Variants in AP3D1 observed in about 807,000 individuals in gnomAD.
AP3D1 encodes the protein adaptor related protein complex 3 subunit delta 1, also known as AP-3 complex subunit delta-1.
A neutral mutation model predicts 147.6 loss-of-function variants in AP3D1; 51 were observed. The observed-to-expected ratio is 0.35, with a 90% CI of 0.28 to 0.44. The LOEUF is 0.44. Among genes scored for constraint, AP3D1 ranks in the 20% least tolerant of loss-of-function variants. The pLI is 1.00. For missense variants in AP3D1, 1,421 were observed against 1,624.2 expected (o/e 0.87, Z 2.15); for synonymous variants, 760 against 663.0 (o/e 1.15, Z -2.25).
intron 1 of AP3D1, chr19:2,164,014 C>A: frequency 4.0e-6 from 1 of 251,336 alleles, no homozygotes; most frequent in Non-Finnish European, 6.7e-6. Context: ...GAGTCGGGGG[C>A]CGGGCCGGAC....
intron 2 of AP3D1, among the ~76,000 whole-genome samples, chr19:2,138,238 T>C (rs1250724367): frequency 6.6e-6 from 1 of 152,146 alleles, no homozygotes; most frequent in South Asian, 2.1e-4. Flanking sequence ...GACCTGGAAC[T>C]GCAGCCAGGA....
upstream of AP3D1, among the ~76,000 whole-genome samples, chr19:2,152,193 G>T (rs1356864098): frequency 6.6e-6 from 1 of 152,156 alleles, no homozygotes; most frequent in East Asian, 1.9e-4. Flanking sequence ...AGCGGTAAAT[G>T]AGATATACTG....
chr19:2,108,649 G>A, intron 31 of AP3D1, 38 bp downstream of exon 31: 1 of 1,546,310 alleles, frequency 6.5e-7, no homozygotes, highest in South Asian at 1.2e-5. Context: ...CAGGAGAGGT[G>A]GCAGGAGCCA....
At position 2,163,552 on chromosome 19, in the gene AP3D1, G is replaced by C. The variant is rs534695431; in HGVS notation, c.-103+804C>G. Among the ~76,000 whole-genome samples the C allele has an allele frequency of 1.4e-4, 21 of 151,598 alleles. No individual in the cohort carries two copies. In the South Asian group the frequency reaches 4.4e-3, roughly 31 times the overall value. On this transcript the variant is annotated intron_variant, in intron 1 of 14. Transcript: ENST00000643010. ...TTGTCGAATGAATACTGGACTTGGA[G>C]CTACAGCAAGTCCTGGACCGTGACT...
At chr19:2,115,947 G>A (rs1182798161) in intron 18 of AP3D1, among the ~76,000 whole-genome samples, 2 of 152,396 alleles carry the variant, frequency 1.3e-5, no homozygotes, top group South Asian at 2.1e-4. Flanking sequence ...GAGGCAGCAG[G>A]TTGCCCACGA....
At chr19:2,159,000 A>T (rs2019672010) in intron 1 of AP3D1, among the ~76,000 whole-genome samples, 13 of 149,032 alleles carry the variant, frequency 8.7e-5, no homozygotes, top group Admixed American at 8.1e-4. Flanking sequence ...TTCTGTTATA[A>T]TTTTTTTTTT....
At chr19:2,133,039 G>A (rs1283108931) in intron 4 of AP3D1, among the ~76,000 whole-genome samples, 5 of 152,160 alleles carry the variant, frequency 3.3e-5, no homozygotes, top group Non-Finnish European at 5.9e-5. Flanking sequence ...GGGCCACCCC[G>A]GGTGCAAGAG....
In AP3D1 at chr19:2,116,626, C is replaced by A; in HGVS notation, c.1980G>T (p.Ala660=). The A allele has an allele frequency of 1.9e-6, 3 of 1,598,604 alleles. No homozygotes were observed. Among genetic ancestry groups the A allele is most frequent in the African/African-American group, 1.3e-5 (1 of 74,710 alleles). ...TCACCCGAGCCAGCTCTTCCTCGTC[C>A]GCCTCCGACGGCCGGTGCTTGGGAC... ...QRRPKHRPSE[A]DEEELARRRE... The change falls in exon 17 of 32, where the codon GCG becomes GCT. Residue 660 remains alanine, a synonymous_variant. Transcript: ENST00000643116.
At chr19:2,102,683 G>A (rs1045072339) in intron 31 of AP3D1, among the ~76,000 whole-genome samples, 8 of 151,296 alleles carry the variant, frequency 5.3e-5, no homozygotes, top group African/African-American at 1.5e-4. Flanking sequence ...AGCCGAGATC[G>A]CGCCACTGCA....
chr19:2,102,111 C>A lies in AP3D1; in HGVS notation c.*62G>T. 7.4e-7 allele frequency: 1 copy of A among 1,354,434 alleles called. No homozygotes were observed. Among genetic ancestry groups the A allele is most frequent in the South Asian group, 1.2e-5 (1 of 85,040 alleles). The allele number at this position is 1,354,434 out of a possible 1,614,324, so 83.9% of individuals were successfully genotyped here. On this transcript the variant is annotated 3_prime_UTR_variant, in exon 32 of 32. Coordinates refer to ENST00000643116, the MANE Select transcript of AP3D1 (RefSeq NM_001261826.3). ...CACACGACTGAGGAGAGGCGAGACACGTCAGGGCTGCGGTCCCTGGGTACG... is the reference window on the plus strand; with the variant it reads ...CACACGACTGAGGAGAGGCGAGACAAGTCAGGGCTGCGGTCCCTGGGTACG...
At chr19:2,116,085 T>G in intron 18 of AP3D1, 122 bp downstream of exon 18, 3 of 950,004 alleles carry the variant, frequency 3.2e-6, no homozygotes, top group Non-Finnish European at 4.8e-6. Context: ...ACAGTCACCG[T>G]GTGGCCCCAG....
At position 2,112,925 on chromosome 19, in the gene AP3D1, A is replaced by T; in HGVS notation, c.2722T>A (p.Cys908Ser). The change falls in exon 24 of 32, where the codon TGT becomes AGT. Residue 908 changes from cysteine (C) to serine (S), a missense_variant. Physicochemically the swap from Cys to Ser is moderately radical, Grantham distance 112. This residue lies in a region of AP3D1 where 791 missense variants were observed against 761.4 expected (regional missense o/e 1.04). Coordinates refer to ENST00000643116, the MANE Select transcript of AP3D1 (RefSeq NM_001261826.3). ...VNTVTTPKDE[C>S]EDAKTEAQGE... The stretch of plus-strand genomic sequence containing the variant: ...TGCGCCTCCGTCTTGGCGTCCTCAC[A>T]CTCGTCCTTCGGGGTAGTGACAGTG... 6.2e-7 allele frequency: 1 copy of T among 1,612,808 alleles called. No homozygotes were observed. The highest frequency in any genetic ancestry group is 1.1e-5 in the South Asian group (1 of 91,022).
intron 8 of AP3D1, among the ~76,000 whole-genome samples, chr19:2,128,478 TCCGACACTGCACCCCGTGGAGCC>T (rs1568294654): frequency 7.1e-4 from 60 of 84,084 alleles, no homozygotes; most frequent in Admixed American, 7.9e-4. Flanking sequence ...CCCCCGCCGC[TCCGACACTGCACCCCGTGGAGCC>T]GGCCCGCCCC....
chr19:2,151,736 C>T (rs1309365140), upstream of AP3D1, among the ~76,000 whole-genome samples: 22 of 152,262 alleles, frequency 1.4e-4, no homozygotes, highest in Non-Finnish European at 7.3e-5. Context: ...GCGGCCCCGC[C>T]TTTTCCGGCC....
At chr19:2,143,386 G>A (rs1187940257) in intron 1 of AP3D1, among the ~76,000 whole-genome samples, 33 of 151,784 alleles carry the variant, frequency 2.2e-4, no homozygotes, top group South Asian at 6.2e-4. Flanking sequence ...GACTACAGGC[G>A]CCCGCGACCA....
intron 14 of AP3D1, among the ~76,000 whole-genome samples, chr19:2,119,389 T>G (rs2018547277): frequency 6.6e-6 from 1 of 151,760 alleles, no homozygotes; most frequent in Non-Finnish European, 1.5e-5. Context: ...AAACCCCATC[T>G]CTACTAAAAA....
chr19:2,123,991 G>A (rs763373982), intron 9 of AP3D1, 112 bp from the exon 10 acceptor site: 15 of 1,189,406 alleles, frequency 1.3e-5, no homozygotes, highest in Non-Finnish European at 1.7e-5. Flanking sequence ...ATGGGAGGGA[G>A]GACAGAAATG....
At chr19:2,163,169 G>C (rs2019763125) in intron 1 of AP3D1, among the ~76,000 whole-genome samples, 1 of 152,150 alleles carries the variant, frequency 6.6e-6, no homozygotes, top group Non-Finnish European at 1.5e-5. Flanking sequence ...TGCCTCCTGG[G>C]TTCAAGCGAT....
chr19:2,132,822 C>CGGCTGGGAACAGTGAGGTCTGAGGCACA (rs2018985630), intron 4 of AP3D1, among the ~76,000 whole-genome samples: 1 of 152,162 alleles, frequency 6.6e-6, no homozygotes, highest in Non-Finnish European at 1.5e-5. Context: ...GGGATGGGCG[C>CGGCTGGGAACAGTGAGGTCTGAGGCACA]GGCTGGGAAC....
Sources: allele counts gnomAD v4.1 joint callset (sites outside exome capture counted in the v4.1 genomes callset), GRCh38; gene constraint gnomAD v4.1.1; regional missense constraint gnomAD v4.1.1; transcripts MANE v1.5; gene names NCBI Gene and HGNC (gene_info 2026-07-23, HGNC 2026-07-21).